The following IFT56 variants were observed in gnomAD, a reference collection of about 807,000 sequenced individuals.
The protein encoded by IFT56 is intraflagellar transport protein 56.
At chr7:139,181,150 C>CG in the IFT56 span, 1 of 1,613,142 alleles carries the variant, frequency 6.2e-7, no homozygotes, top group Non-Finnish European at 8.5e-7. Flanking sequence ...TGGAAACCTC[C>CG]GGCGAGTCCT....
the IFT56 span, among the ~76,000 whole-genome samples, chr7:139,183,908 A>C: frequency 6.6e-6 from 1 of 152,246 alleles, no homozygotes; most frequent in African/African-American, 2.4e-5. Context: ...ATGGTTAAAC[A>C]GATGGGTTTG....
At chr7:139,187,224 CTG>C in the IFT56 span, among the ~76,000 whole-genome samples, 2 of 151,338 alleles carry the variant, frequency 1.3e-5, no homozygotes, top group Non-Finnish European at 2.9e-5. Flanking sequence ...TGTACCCAAA[CTG>C]TAATTTTCCT....
At chr7:139,188,147 C>T in the IFT56 span, among the ~76,000 whole-genome samples, 12 of 147,410 alleles carry the variant, frequency 8.1e-5, no homozygotes, top group African/African-American at 2.7e-4. Flanking sequence ...GTTGCCCAGG[C>T]TGGAGTGCAA....
the IFT56 span, among the ~76,000 whole-genome samples, chr7:139,161,503 G>C: frequency 2.0e-5 from 3 of 152,154 alleles, no homozygotes; most frequent in African/African-American, 7.2e-5. Flanking sequence ...TTGGGTTTAG[G>C]GCTAGATTAT....
chr7:139,181,536 T>C, the IFT56 span, among the ~76,000 whole-genome samples: 1 of 152,238 alleles, frequency 6.6e-6, no homozygotes, highest in Non-Finnish European at 1.5e-5. Context: ...TCTGGAGACA[T>C]AGATTGCGAG....
At chr7:139,152,053 C>T in the IFT56 span, among the ~76,000 whole-genome samples, 45 of 152,122 alleles carry the variant, frequency 3.0e-4, no homozygotes, top group Non-Finnish European at 4.6e-4. Flanking sequence ...AAGAGTGAGA[C>T]TCCATCTCAA....
chr7:139,176,111 A>G, the IFT56 span, among the ~76,000 whole-genome samples: 39,280 of 151,706 alleles, frequency 0.26, 9,347 homozygotes, highest in African/African-American at 0.61. Context: ...GAGCCACCGC[A>G]CCCGGCTTAA....
the IFT56 span, among the ~76,000 whole-genome samples, chr7:139,181,876 C>T: frequency 6.6e-6 from 1 of 152,150 alleles, no homozygotes; most frequent in East Asian, 1.9e-4. Flanking sequence ...TGCTGCCCAT[C>T]ACTGATCAAA....
the IFT56 span, among the ~76,000 whole-genome samples, chr7:139,164,425 T>C: frequency 2.6e-5 from 4 of 152,152 alleles, no homozygotes; most frequent in Admixed American, 2.6e-4. Context: ...ACTTTAGGAG[T>C]TTTCTGCAGT....
chr7:139,189,394 A>G, the IFT56 span: 1 of 1,613,552 alleles, frequency 6.2e-7, no homozygotes, highest in Non-Finnish European at 8.5e-7. Flanking sequence ...GATCCGGATC[A>G]TGAAGAAATG....
chr7:139,148,195 T>C, the IFT56 span: 16 of 1,596,464 alleles, frequency 1.0e-5, no homozygotes, highest in Non-Finnish European at 1.4e-5. Flanking sequence ...CCTAATTCTT[T>C]CATCTAATAG....
At chr7:139,176,560 A>G in the IFT56 span, among the ~76,000 whole-genome samples, 1 of 152,228 alleles carries the variant, frequency 6.6e-6, no homozygotes, top group Non-Finnish European at 1.5e-5. Flanking sequence ...GCCAAGATTC[A>G]GTGAAAGATT....
the IFT56 span, among the ~76,000 whole-genome samples, chr7:139,157,125 T>C: frequency 1.4e-5 from 2 of 147,900 alleles, no homozygotes; most frequent in Admixed American, 7.0e-5. Context: ...TCCATTTATT[T>C]AGATCTTTAA....
the IFT56 span, among the ~76,000 whole-genome samples, chr7:139,135,197 T>C: frequency 6.8e-6 from 1 of 148,064 alleles, no homozygotes; most frequent in African/African-American, 2.5e-5. Context: ...GAGAATCGCT[T>C]GAACCCGGGA....
the IFT56 span, among the ~76,000 whole-genome samples, chr7:139,135,294 A>C: frequency 0.012 from 1,737 of 139,086 alleles, 52 homozygotes; most frequent in African/African-American, 0.046. Context: ...AAAAAAAAAA[A>C]AAAACAAAAC....
the IFT56 span, chr7:139,161,355 A>AGATTTGGAG: frequency 1.6e-3 from 376 of 228,410 alleles, 6 homozygotes; most frequent in African/African-American, 7.8e-3. Context: ...AGGATGGCTG[A>AGATTTGGAG]GATTTGGAGT....
the IFT56 span, among the ~76,000 whole-genome samples, chr7:139,185,003 G>A: frequency 6.7e-6 from 1 of 149,890 alleles, no homozygotes; most frequent in Non-Finnish European, 1.5e-5. Context: ...GCAGTGAGCC[G>A]AGATCGCGCC....
the IFT56 span, among the ~76,000 whole-genome samples, chr7:139,186,636 A>G: frequency 3.3e-5 from 5 of 152,244 alleles, no homozygotes; most frequent in Non-Finnish European, 7.4e-5. Flanking sequence ...TAGGAACAAG[A>G]CTAGGGAAAG....
the IFT56 span, among the ~76,000 whole-genome samples, chr7:139,175,091 A>G: frequency 2.6e-5 from 4 of 152,180 alleles, no homozygotes; most frequent in Non-Finnish European, 5.9e-5. Flanking sequence ...GGTGTTTGAC[A>G]TCACTGATCA....
Sources: gnomAD v4.1 joint callset for allele counts (sites outside exome capture counted in the v4.1 genomes callset) on GRCh38, gnomAD v4.1.1 for gene constraint, MANE v1.5 for transcripts, NCBI Gene and HGNC (gene_info 2026-07-23, HGNC 2026-07-21) for gene names.